Variants in HK1 observed in about 807,000 individuals in gnomAD.
The protein encoded by HK1 is hexokinase 1, also known as hexokinase-1.
HK1 carries 28 observed loss-of-function variants against 91.6 expected under a neutral mutation model. The observed-to-expected ratio is 0.31, with a 90% CI of 0.23 to 0.42. The LOEUF (loss-of-function observed/expected upper bound fraction) is 0.42. Among genes scored for constraint, HK1 ranks in the 10% least tolerant of loss-of-function variants. The pLI, the probability that HK1 is intolerant of heterozygous loss-of-function variation, is 1.00. For synonymous variants in HK1, 430 were observed against 468.1 expected (o/e 0.92, Z 1.05); for missense variants, 770 against 1,219.8 (o/e 0.63, Z 5.49).
At chr10:69,361,911 G>A (rs1366373168) in intron 3 of HK1, among the ~76,000 whole-genome samples, 9 of 152,102 alleles carry the variant, frequency 5.9e-5, no homozygotes, top group East Asian at 3.9e-4. Context: ...TCCGCCTCCC[G>A]GGTTCAAGTG....
chr10:69,388,220 G>A (rs900475975), intron 13 of HK1, among the ~76,000 whole-genome samples: 1 of 152,128 alleles, frequency 6.6e-6, no homozygotes, highest in Non-Finnish European at 1.5e-5. Flanking sequence ...CAGGAGGAAC[G>A]CTTGAGCCCA....
At position 69,318,999 on chromosome 10, in the gene HK1, C is replaced by A; in HGVS notation, c.52C>A (p.Gln18Lys). ...TTACTTCACGGAGCTGAAGGATGAC[C>A]AGGTCAAAAAGGTGAGCCCCCGCCC... Reference protein sequence around the residue: ...AYYFTELKDDQVKKIDKYLYA... With the variant: ...AYYFTELKDDKVKKIDKYLYA... The change falls in exon 1 of 18, where the codon CAG becomes AAG. Residue 18 changes from glutamine (Q) to lysine (K), a missense_variant. Gln to Lys is a moderately conservative substitution (Grantham distance 53). Coordinates refer to ENST00000359426, the MANE Select transcript of HK1 (RefSeq NM_000188.3). 6.2e-7 allele frequency: 1 copy of A among 1,602,710 alleles called. No individual in the cohort carries two copies. The highest frequency in any genetic ancestry group is 8.5e-7 in the Non-Finnish European group (1 of 1,175,500).
intron 8 of HK1, 140 bp from the exon 9 acceptor site, chr10:69,379,722 G>A: frequency 1.3e-6 from 1 of 748,262 alleles, no homozygotes; most frequent in South Asian, 1.4e-5. Context: ...TCAGGCATTT[G>A]ACAGTCTTCA....
intron 2 of HK1, among the ~76,000 whole-genome samples, chr10:69,356,609 G>T (rs1001798771): frequency 6.6e-6 from 1 of 152,170 alleles, no homozygotes; most frequent in Non-Finnish European, 1.5e-5. Context: ...ATGAGGCCGG[G>T]TGCGGTGGCT....
At chr10:69,287,306 C>A (rs1381208537) in intron 2 of HK1, among the ~76,000 whole-genome samples, 1 of 152,026 alleles carries the variant, frequency 6.6e-6, no homozygotes, top group Non-Finnish European at 1.5e-5. Flanking sequence ...ATAAAACCAT[C>A]AGATCTCATG....
intron 1 of HK1, among the ~76,000 whole-genome samples, chr10:69,326,281 G>A (rs937183059): frequency 5.9e-5 from 9 of 152,092 alleles, no homozygotes; most frequent in African/African-American, 2.2e-4. Flanking sequence ...GTGTAGGTGT[G>A]TGTATGCTTT....
At chr10:69,349,417 T>C (rs1848729631) in intron 2 of HK1, among the ~76,000 whole-genome samples, 2 of 152,138 alleles carry the variant, frequency 1.3e-5, no homozygotes, top group South Asian at 4.2e-4. Flanking sequence ...TCATCAGTCT[T>C]ATGATATAAT....
At chr10:69,329,694 C>T (rs112854934) in intron 1 of HK1, among the ~76,000 whole-genome samples, 11 of 152,132 alleles carry the variant, frequency 7.2e-5, no homozygotes, top group Non-Finnish European at 1.5e-4. Context: ...ACCATTACAC[C>T]CAACTCTCAT....
At chr10:69,322,695 A>G (rs902316045) in intron 1 of HK1, among the ~76,000 whole-genome samples, 7 of 151,718 alleles carry the variant, frequency 4.6e-5, no homozygotes, top group Admixed American at 2.0e-4. Context: ...GTTCGAGACC[A>G]GCCTGACCAA....
At chr10:69,361,512 C>T (rs1484161793) in intron 3 of HK1, among the ~76,000 whole-genome samples, 1 of 152,234 alleles carries the variant, frequency 6.6e-6, no homozygotes, top group Non-Finnish European at 1.5e-5. Context: ...CTACCTAAGC[C>T]TGGCGCATTC....
chr10:69,382,712 G>A lies in HK1; in HGVS notation c.1491G>A (p.Leu497=). 6.2e-7 allele frequency: 1 copy of A among 1,613,614 alleles called. No individual in the cohort carries two copies. ...AGAGGATGCGGGCCGAGATGGAGCTGGGGCTGAGGAAGCAGACGCACAACA... is the reference window on the plus strand; with the variant it reads ...AGAGGATGCGGGCCGAGATGGAGCTAGGGCTGAGGAAGCAGACGCACAACA... ...VKKRMRAEME[L]GLRKQTHNNA... is the part of the protein sequence containing the mutation. Residue 497 remains leucine (L), a synonymous_variant, in exon 10 of 18, where the codon CTG becomes CTA. Coordinates refer to ENST00000359426, the MANE Select transcript of HK1 (RefSeq NM_000188.3).
chr10:69,277,015 T>A (rs781538582), intron 1 of HK1, among the ~76,000 whole-genome samples: 32 of 152,146 alleles, frequency 2.1e-4, no homozygotes, highest in Non-Finnish European at 4.7e-4. Flanking sequence ...TTTCACTTAT[T>A]TGGCTTCCTC....
chr10:69,277,779 TC>T (rs1327590202), intron 1 of HK1, among the ~76,000 whole-genome samples: 1 of 152,134 alleles, frequency 6.6e-6, no homozygotes, highest in Non-Finnish European at 1.5e-5. Flanking sequence ...ACGCCTGTAA[TC>T]CCAGCACTTT....
At chr10:69,385,523 A>T (rs942600655) in intron 12 of HK1, among the ~76,000 whole-genome samples, 1 of 152,206 alleles carries the variant, frequency 6.6e-6, no homozygotes, top group Non-Finnish European at 1.5e-5. Context: ...GATTCTGGGC[A>T]GAAGGAACCA....
intron 5 of HK1, among the ~76,000 whole-genome samples, chr10:69,306,392 TAAATA>T (rs943773158): frequency 4.1e-5 from 6 of 147,630 alleles, no homozygotes; most frequent in Middle Eastern, 3.5e-3. Flanking sequence ...AAAAAATAAA[TAAATA>T]AAATAAAAAA....
chr10:69,394,262 A>C (rs1003504334), intron 15 of HK1, among the ~76,000 whole-genome samples: 1 of 152,246 alleles, frequency 6.6e-6, no homozygotes, highest in Non-Finnish European at 1.5e-5. Context: ...GTTGACCTCC[A>C]GTGTGTTGTG....
At chr10:69,354,562 T>G (rs900006613) in intron 2 of HK1, among the ~76,000 whole-genome samples, 7 of 152,162 alleles carry the variant, frequency 4.6e-5, no homozygotes, top group African/African-American at 1.7e-4. Context: ...CTCCACCTGG[T>G]CTCTTTCTTG....
rs60324656 is a variant in HK1 at position 69,276,090 on chromosome 10, C to CAAAAAAAAA, written c.-391+6003_-391+6011dup. ...GGGCAGCAAGAGCAAAACTCCTTTT[C>CAAAAAAAAA]AAAAAAAAAAAAAAAAAAAAAAAAA... On this transcript the variant is annotated intron_variant, in intron 1 of 21. Transcript: ENST00000360289. Among the ~76,000 whole-genome samples the CAAAAAAAAA allele has an allele frequency of 1.6e-3, 26 of 15,946 alleles. 7 individuals are homozygous for CAAAAAAAAA. The highest frequency in any genetic ancestry group is 2.0e-3 in the Non-Finnish European group (18 of 9,152). 10.5% of individuals were successfully genotyped at this position (15,946 alleles called of 152,430 possible).
intron 1 of HK1, among the ~76,000 whole-genome samples, chr10:69,320,961 T>G (rs545504376): frequency 1.1e-4 from 16 of 152,242 alleles, no homozygotes; most frequent in Admixed American, 5.2e-4. Context: ...CAGTTGACCC[T>G]TCCATCCCTC....
Sources: allele counts gnomAD v4.1 joint callset (sites outside exome capture counted in the v4.1 genomes callset), GRCh38; gene constraint gnomAD v4.1.1; transcripts MANE v1.5; gene names NCBI Gene and HGNC (gene_info 2026-07-23, HGNC 2026-07-21).